Variants in TEX22 observed in about 807,000 individuals in gnomAD.
TEX22 encodes testis expressed 22, also known as testis-expressed protein 22.
Under a neutral mutation model 11.3 loss-of-function variants are expected in TEX22, and 16 were observed. The observed-to-expected ratio is 1.42, with a 90% CI of 0.96 to 2.15. The LOEUF is 2.15. Ranked by LOEUF, TEX22 falls within the 30% of genes most tolerant of loss-of-function variation. TEX22 has a pLI of 0.00. For synonymous variants in TEX22, 97 were observed against 92.3 expected (o/e 1.05, Z -0.29); for missense variants, 220 against 208.6 (o/e 1.05, Z -0.34).
chr14:105,408,284 C>G (rs1433967438), intron 2 of TEX22, among the ~76,000 whole-genome samples: 1 of 151,460 alleles, frequency 6.6e-6, no homozygotes, highest in Non-Finnish European at 1.5e-5. Flanking sequence ...ACTCTATCAC[C>G]AGGCTGGAGT....
chr14:105,411,520 C>CCCCCCCCGGGGGG, intron 3 of TEX22, 24 bp downstream of exon 3: 7 of 1,119,854 alleles, frequency 6.3e-6, no homozygotes, highest in East Asian at 4.7e-5. Context: ...GGGTCCTCCC[C>CCCCCCCCGGGGGG]GCCCCGTCCC....
intron 2 of TEX22, among the ~76,000 whole-genome samples, chr14:105,409,481 T>C (rs2081676943): frequency 6.6e-6 from 1 of 151,820 alleles, no homozygotes; most frequent in Non-Finnish European, 1.5e-5. Flanking sequence ...TGCCCTAGAC[T>C]ATTAAGACTT....
rs201179017 is a variant in TEX22 at position 105,406,678 on chromosome 14, A to T, written c.151-4690A>T. On this transcript the variant is annotated intron_variant, in intron 2 of 3. Transcript: ENST00000451127. ...TTAAGTCTACGTACTTGCAGTTCCT[A>T]AAAAAAAAAAAAAGGAACTAAATGA... Among the ~76,000 whole-genome samples, 72 of 129,968 alleles carry T rather than the reference A, an allele frequency of 5.5e-4. 1 individual carries two copies. In the East Asian group the frequency reaches 0.014, roughly 25 times the overall value. 85.3% of individuals were successfully genotyped at this position (129,968 alleles called of 152,430 possible).
rs1481741156 is a variant in TEX22 at position 105,412,374 on chromosome 14, G to A, written c.*541G>A. 6.5e-6 allele frequency: 1 copy of A among 153,038 alleles called. No individual in the cohort carries two copies. Among genetic ancestry groups the A allele is most frequent in the Admixed American group, 6.5e-5 (1 of 15,422 alleles). 9.5% of individuals were successfully genotyped at this position (153,038 alleles called of 1,614,324 possible). On this transcript the variant is annotated 3_prime_UTR_variant, in exon 4 of 4. Transcript: ENST00000451127. This position sits in a 1 kb window ranked among gnomAD's most constrained non-coding sequence, Gnocchi z 5.8. ...CTGTGGTGGGGAGCAGCAAGCCCAG[G>A]GACCCAATGCAGTGCCCAGCACAGA...
At chr14:105,399,599 G>T in intron 2 of TEX22, 109 bp downstream of exon 2, 1 of 1,240,274 alleles carries the variant, frequency 8.1e-7, no homozygotes, top group African/African-American at 1.5e-5. Flanking sequence ...TCAGGGGAGG[G>T]CTGAGTGGGG....
Position 105,399,440 on chromosome 14 carries a change from C to T in TEX22, c.100C>T (p.Gln34Ter). ...PPLGLIAAWG[Q>*]PSIQSSVQQG... ...ACTGGGCCTGATAGCAGCCTGGGGC[C>T]AGCCCAGTATCCAGAGCAGCGTTCA... The change falls in exon 2 of 4, where the codon CAG (glutamine) becomes TAG (stop). Residue 34 changes from glutamine (Q) to a stop codon, truncating the protein, a stop_gained. Transcript: ENST00000451127. LOFTEE classifies it high-confidence loss of function. The T allele has an allele frequency of 6.5e-7, 1 of 1,535,822 alleles. No homozygotes were observed. The highest frequency in any genetic ancestry group is 1.2e-5 in the South Asian group (1 of 84,066).
chr14:105,402,596 AT>A (rs1199675997), intron 2 of TEX22, among the ~76,000 whole-genome samples: 4 of 151,608 alleles, frequency 2.6e-5, no homozygotes, highest in Non-Finnish European at 5.9e-5. Context: ...CTACTAAAAA[AT>A]ACAAAAAAAT....
Position 105,399,359 on chromosome 14 carries a change from TC to T in TEX22, c.25del (p.Arg9GlyfsTer20), listed in dbSNP as rs1354161685. ...GCTAGAGATGGACAGCAGGAAACTGTCCCCCCGGGGGAAGAAGCTGGAGTCG... is the reference window on the plus strand; with the variant it reads ...GCTAGAGATGGACAGCAGGAAACTGTCCCCCGGGGGAAGAAGCTGGAGTCG... MDSRKL[S>X]PRGKKLESHL... is the part of the protein sequence containing the mutation. On this transcript the variant is annotated frameshift_variant, in exon 2 of 4. Coordinates refer to ENST00000451127, the MANE Select transcript of TEX22 (RefSeq NM_001195082.2). LOFTEE classifies it high-confidence loss of function. 1 of 1,534,396 alleles carries T rather than the reference TC, an allele frequency of 6.5e-7. No homozygotes were observed. Among genetic ancestry groups the T allele is most frequent in the Admixed American group, 2.0e-5 (1 of 50,864 alleles).
intron 1 of TEX22, 58 bp from the exon 2 acceptor site, chr14:105,399,244 G>A: frequency 9.6e-7 from 1 of 1,040,662 alleles, no homozygotes; most frequent in Non-Finnish European, 1.4e-6. Flanking sequence ...TCAGGTATTG[G>A]TGGGCACGTG....
chr14:105,407,537 T>G (rs587751648), intron 2 of TEX22, among the ~76,000 whole-genome samples: 21 of 152,178 alleles, frequency 1.4e-4, no homozygotes, highest in Admixed American at 6.5e-5. Context: ...CATGCCCAGC[T>G]AATTATTTTT....
At chr14:105,399,552 GTC>G in intron 2 of TEX22, 62 bp downstream of exon 2, 1 of 1,464,440 alleles carries the variant, frequency 6.8e-7, no homozygotes, top group Non-Finnish European at 9.0e-7. Context: ...TGAGGCCGCT[GTC>G]TCTGAAAACT....
chr14:105,411,524 C>CCCGGG, intron 3 of TEX22, 28 bp downstream of exon 3: 3 of 1,108,996 alleles, frequency 2.7e-6, no homozygotes, highest in Non-Finnish European at 3.3e-6. Flanking sequence ...CCTCCCCGCC[C>CCCGGG]CGTCCCCGCC....
chr14:105,400,065 G>A (rs1188741219), intron 2 of TEX22, among the ~76,000 whole-genome samples: 2 of 152,198 alleles, frequency 1.3e-5, no homozygotes, highest in Non-Finnish European at 2.9e-5. Flanking sequence ...GTTCTCTGAG[G>A]GCAGAGGAAG....
intron 2 of TEX22, among the ~76,000 whole-genome samples, chr14:105,409,546 G>C (rs1189597688): frequency 6.7e-6 from 1 of 149,372 alleles, no homozygotes; most frequent in African/African-American, 2.5e-5. Flanking sequence ...TGTCACCCAG[G>C]CTGGAGTGCA....
chr14:105,402,751 G>A (rs587594272), intron 2 of TEX22, among the ~76,000 whole-genome samples: 49 of 131,102 alleles, frequency 3.7e-4, no homozygotes, highest in South Asian at 1.4e-3. Context: ...GCGAGACTCC[G>A]TCTCAAAAAA....
At chr14:105,406,621 G>GT (rs1462156282) in intron 2 of TEX22, among the ~76,000 whole-genome samples, 1 of 149,618 alleles carries the variant, frequency 6.7e-6, no homozygotes, top group Non-Finnish European at 1.5e-5. Context: ...ACAAGACCCT[G>GT]TATCTTTAAA....
At chr14:105,409,894 C>A (rs1251320015) in intron 2 of TEX22, among the ~76,000 whole-genome samples, 2 of 151,948 alleles carry the variant, frequency 1.3e-5, no homozygotes, top group African/African-American at 4.8e-5. Context: ...TCTGCCTCAG[C>A]CTCCCCAGTA....
At position 105,411,435 on chromosome 14, in the gene TEX22, G is replaced by T. The variant is rs782657671; in HGVS notation, c.218G>T (p.Arg73Leu). 1 of 1,244,284 alleles carries T rather than the reference G, an allele frequency of 8.0e-7. No homozygotes were observed. Among genetic ancestry groups the T allele is most frequent in the South Asian group, 3.5e-5 (1 of 28,878 alleles). 77.1% of individuals were successfully genotyped at this position (1,244,284 alleles called of 1,614,324 possible). A position where few individuals can be genotyped will look rare whatever the true frequency, so the allele number is the denominator to read the frequency against. ...AGCGTCAGCATCGACGAGCGCCGGC[G>T]GCTGGCCACGCTGGGCGGCCGGGAG... ...RWSVSIDERR[R>L]LATLGGRERP... The change falls in exon 3 of 4, where the codon CGG (arginine) becomes CTG (leucine). Residue 73 changes from arginine (R) to leucine (L), a missense_variant. Coordinates refer to ENST00000451127, the MANE Select transcript of TEX22 (RefSeq NM_001195082.2).
chr14:105,409,716 T>A (rs945871056), intron 2 of TEX22, among the ~76,000 whole-genome samples: 9 of 145,762 alleles, frequency 6.2e-5, no homozygotes, highest in Admixed American at 2.0e-4. Flanking sequence ...CCTTTCTTTC[T>A]TTCATTCATT....
Sources: gnomAD v4.1 joint callset for allele counts (sites outside exome capture counted in the v4.1 genomes callset) on GRCh38, gnomAD v4.1.1 for gene constraint, Gnocchi (gnomAD v3.1) non-coding constraint, MANE v1.5 for transcripts, NCBI Gene and HGNC (gene_info 2026-07-23, HGNC 2026-07-21) for gene names.